The following EGFLAM variants were observed in gnomAD, a reference collection of about 807,000 sequenced individuals.
EGFLAM encodes pikachurin.
In EGFLAM, 79 loss-of-function variants were observed where a neutral mutation model predicts 113.1. That is an observed-to-expected ratio of 0.70 (90% CI 0.58 to 0.84). The LOEUF (loss-of-function observed/expected upper bound fraction) is 0.84. Ranked by LOEUF, EGFLAM falls within the 40% of genes least tolerant of loss-of-function variation. EGFLAM has a pLI of 0.00. For synonymous variants in EGFLAM, 504 were observed against 487.6 expected (o/e 1.03, Z -0.44); for missense variants, 1,265 against 1,291.6 (o/e 0.98, Z 0.32).
chr5:38,353,622 A>G (rs1739686573), intron 5 of EGFLAM, among the ~76,000 whole-genome samples: 1 of 152,252 alleles, frequency 6.6e-6, no homozygotes, highest in Admixed American at 6.5e-5. Context: ...AGTGTTTCAC[A>G]CAGGACTTGG....
At position 38,418,071 on chromosome 5, in the gene EGFLAM, A is replaced by G. The variant is rs772568030; in HGVS notation, c.1500A>G (p.Gln500=). 18 of 1,613,452 alleles carry G rather than the reference A, an allele frequency of 1.1e-5. No homozygotes were observed. The highest frequency in any genetic ancestry group is 1.6e-4 in the Middle Eastern group (1 of 6,076). ...AGTGGTCATCTTTCTTAAAGGGCCA[A>G]TACAGTAAAATTACTTTCCGGACAC... ...GTPVTGQSQG[Q]YSKITFRTPL... Residue 500 remains glutamine (Q), a synonymous_variant, in exon 12 of 22, where the codon CAA becomes CAG. Transcript: ENST00000322350.
chr5:38,433,948 T>G (rs908140183), intron 15 of EGFLAM, among the ~76,000 whole-genome samples: 1 of 152,200 alleles, frequency 6.6e-6, no homozygotes, highest in Non-Finnish European at 1.5e-5. Context: ...GACCCAGCCA[T>G]GGGGGCACTC....
intron 1 of EGFLAM, among the ~76,000 whole-genome samples, chr5:38,267,727 A>G (rs1030099192): frequency 2.6e-5 from 4 of 152,168 alleles, no homozygotes; most frequent in Middle Eastern, 3.2e-3. Flanking sequence ...GCCAGTGGTT[A>G]GATATTTGGA....
chr5:38,315,932 C>T (rs141669032), intron 1 of EGFLAM, among the ~76,000 whole-genome samples: 5,009 of 152,020 alleles, frequency 0.033, 105 homozygotes, highest in Middle Eastern at 0.058. Context: ...AAAAAATTAG[C>T]TGGGTGTGGT....
chr5:38,349,035 G>T (rs979569418), intron 3 of EGFLAM, among the ~76,000 whole-genome samples: 2 of 152,176 alleles, frequency 1.3e-5, no homozygotes, highest in African/African-American at 4.8e-5. Flanking sequence ...CAGGGTTTGA[G>T]AACTACTGTA....
At chr5:38,433,135 A>G (rs567440878) in intron 15 of EGFLAM, among the ~76,000 whole-genome samples, 43 of 152,284 alleles carry the variant, frequency 2.8e-4, no homozygotes, top group African/African-American at 7.2e-4. Flanking sequence ...TGTCCATATC[A>G]TGTTCGAAGT....
intron 10 of EGFLAM, 120 bp downstream of exon 10, chr5:38,409,224 G>A: frequency 1.3e-6 from 1 of 791,842 alleles, no homozygotes; most frequent in Non-Finnish European, 2.0e-6. Context: ...AGAATGGTTT[G>A]TATAAAATGA....
In EGFLAM at chr5:38,458,380, A is replaced by T; in HGVS notation, c.2757A>T (p.Arg919=). The stretch of plus-strand genomic sequence containing the variant: ...CCTTCAACGATGGTCGGTGGCACCG[A>T]GTTAAGGCCGTTAGGTGAGTCCCTC... ...NGSFNDGRWH[R]VKAVRDGQSG... The change falls in exon 20 of 22, where the codon CGA becomes CGT. Residue 919 remains arginine, a synonymous_variant. Transcript: ENST00000322350. 1 of 1,613,954 alleles carries T rather than the reference A, an allele frequency of 6.2e-7. No homozygotes were observed. Among genetic ancestry groups the T allele is most frequent in the Non-Finnish European group, 8.5e-7 (1 of 1,179,960 alleles).
intron 11 of EGFLAM, among the ~76,000 whole-genome samples, chr5:38,415,984 AC>A (rs1741629035): frequency 1.3e-5 from 2 of 151,856 alleles, no homozygotes; most frequent in Admixed American, 1.3e-4. Flanking sequence ...CCCTCCCACG[AC>A]CCGTGGGGAT....
At position 38,279,204 on chromosome 5, in the gene EGFLAM, A is replaced by G. The variant is rs115073412; in HGVS notation, c.97+20353A>G. Among the ~76,000 whole-genome samples the G allele has an allele frequency of 8.9e-3, 1,360 of 152,330 alleles. 13 individuals carry two copies. Among genetic ancestry groups the G allele is most frequent in the African/African-American group, 0.03 (1,267 of 41,582 alleles). ...CCCCAGCTAGAATGGCTGTTATCAAAAAGGCAAAAGATAACAAGTGTTTGT... is the reference window on the plus strand; with the variant it reads ...CCCCAGCTAGAATGGCTGTTATCAAGAAGGCAAAAGATAACAAGTGTTTGT... On this transcript the variant is annotated intron_variant, in intron 1 of 21. Coordinates refer to ENST00000322350, the MANE Select transcript of EGFLAM (RefSeq NM_152403.4).
At chr5:38,388,142 C>A (rs948470957) in intron 6 of EGFLAM, among the ~76,000 whole-genome samples, 2 of 152,202 alleles carry the variant, frequency 1.3e-5, no homozygotes, top group Non-Finnish European at 2.9e-5. Flanking sequence ...TGATTTGAGA[C>A]AGTTCCACCT....
At chr5:38,288,604 A>AAAATATAGG (rs142603332) in intron 1 of EGFLAM, among the ~76,000 whole-genome samples, 5,185 of 152,252 alleles carry the variant, frequency 0.034, 279 homozygotes, top group African/African-American at 0.12. Context: ...ATGAGCTGAG[A>AAAATATAGG]AAATATAGGT....
At chr5:38,450,485 T>A (rs1742877409) in intron 18 of EGFLAM, among the ~76,000 whole-genome samples, 2 of 152,224 alleles carry the variant, frequency 1.3e-5, no homozygotes, top group African/African-American at 4.8e-5. Context: ...CTCAAGTGAC[T>A]AGAGAATGGA....
intron 5 of EGFLAM, among the ~76,000 whole-genome samples, chr5:38,367,705 C>T (rs1579828071): frequency 6.6e-6 from 1 of 151,618 alleles, no homozygotes; most frequent in Non-Finnish European, 1.5e-5. Flanking sequence ...TTTCTTCAGT[C>T]AAAAAAAAGA....
chr5:38,431,734 T>TACTG (rs1377827806), intron 15 of EGFLAM, among the ~76,000 whole-genome samples: 7 of 152,240 alleles, frequency 4.6e-5, no homozygotes, highest in African/African-American at 1.7e-4. Context: ...TGTGAGCTCA[T>TACTG]ACTGGTTACT....
At chr5:38,262,408 A>G (rs547051098) in intron 1 of EGFLAM, among the ~76,000 whole-genome samples, 1 of 152,348 alleles carries the variant, frequency 6.6e-6, no homozygotes, top group South Asian at 2.1e-4. Context: ...CTACAGTTTG[A>G]TGAGCCCTAA....
chr5:38,418,266 G>C lies in EGFLAM; in HGVS notation c.1684+11G>C. On this transcript the variant is annotated intron_variant, in intron 12 of 21. Coordinates refer to ENST00000322350, the MANE Select transcript of EGFLAM (RefSeq NM_152403.4). ...GTGGGGCTGATGTGGGTAAGTGGCT[G>C]CCTGGTGGGTTGGGGTACTCTTATG... 1.2e-6 allele frequency: 2 copies of C among 1,613,712 alleles called. No individual in the cohort carries two copies. The highest frequency in any genetic ancestry group is 1.1e-5 in the South Asian group (1 of 91,034).
In EGFLAM at chr5:38,315,284, C is replaced by T. The variant is rs375206747; in HGVS notation, c.98-22236C>T. Among the ~76,000 whole-genome samples, 5 of 152,172 alleles carry T rather than the reference C, an allele frequency of 3.3e-5. No homozygotes were observed. The East Asian group carries it at 7.7e-4, about 23-fold the overall frequency. ...GCCTCTATGGTTCCCCTCTTCTCTA[C>T]TCCCTGTGACATGATTTGCTTGTGC... On this transcript the variant is annotated intron_variant, in intron 1 of 21. Coordinates refer to ENST00000322350, the MANE Select transcript of EGFLAM (RefSeq NM_152403.4).
At chr5:38,305,558 G>T in intron 1 of EGFLAM, 1 of 405,568 alleles carries the variant, frequency 2.5e-6, no homozygotes, top group Non-Finnish European at 5.0e-6. Context: ...TAGTGGGAAG[G>T]AGATGCTAGA....
Sources: gnomAD v4.1 joint callset for allele counts (sites outside exome capture counted in the v4.1 genomes callset) on GRCh38, gnomAD v4.1.1 for gene constraint, MANE v1.5 for transcripts, NCBI Gene and HGNC (gene_info 2026-07-23, HGNC 2026-07-21) for gene names.